The following GOLGA5 variants were observed in gnomAD, a reference collection of about 807,000 sequenced individuals.
GOLGA5 encodes golgin A5, also known as golgin subfamily A member 5.
In GOLGA5, 50 loss-of-function variants were observed where a neutral mutation model predicts 93.5. That is an observed-to-expected ratio of 0.53 (90% CI 0.43 to 0.68). The LOEUF is 0.68. Ranked by LOEUF, GOLGA5 falls within the 30% of genes least tolerant of loss-of-function variation. The pLI is 0.00. For synonymous variants in GOLGA5, 312 were observed against 304.5 expected, an observed-to-expected ratio of 1.02 and a Z score of -0.26; for missense variants, 760 against 856.4, an observed-to-expected ratio of 0.89 and a Z score of 1.40.
chr14:92,839,180 T>C (rs1466859761), intron 12 of GOLGA5, among the ~76,000 whole-genome samples, 186 bp from the exon 13 acceptor site: 1 of 152,232 alleles, frequency 6.6e-6, no homozygotes, highest in Non-Finnish European at 1.5e-5. Flanking sequence ...CTGAATTCTG[T>C]AGGAGTAGCA....
chr14:92,830,201 C>G (rs1036869347), intron 9 of GOLGA5, among the ~76,000 whole-genome samples: 1 of 152,042 alleles, frequency 6.6e-6, no homozygotes, highest in African/African-American at 2.4e-5. Context: ...ACCTGTGATC[C>G]CAGCTATTCA....
In GOLGA5 at chr14:92,806,982, C is replaced by T; in HGVS notation, c.772+19C>T. 1 of 1,446,244 alleles carries T rather than the reference C, an allele frequency of 6.9e-7. No homozygotes were observed. Among genetic ancestry groups the T allele is most frequent in the Non-Finnish European group, 9.7e-7 (1 of 1,027,148 alleles). The allele number at this position is 1,446,244 out of a possible 1,614,324, so 89.6% of individuals were successfully genotyped here. A position where few individuals can be genotyped will look rare whatever the true frequency, so the allele number is the denominator to read the frequency against. ...CAAGAAGGTAGAGGCTTAAATTGTT[C>T]AGGATTAGGAATTTAACTTTTAAAA... On this transcript the variant is annotated intron_variant, in intron 3 of 12. Coordinates refer to ENST00000163416, the MANE Select transcript of GOLGA5 (RefSeq NM_005113.4).
At chr14:92,838,073 G>A (rs1211895927) in intron 12 of GOLGA5, among the ~76,000 whole-genome samples, 6 of 152,074 alleles carry the variant, frequency 3.9e-5, no homozygotes, top group African/African-American at 1.2e-4. Flanking sequence ...TTATCTTGAC[G>A]TTGTAAAGTT....
intron 3 of GOLGA5, among the ~76,000 whole-genome samples, chr14:92,808,839 C>T (rs1885046189): frequency 6.6e-6 from 1 of 152,084 alleles, no homozygotes; most frequent in Non-Finnish European, 1.5e-5. Context: ...CTACTTTGCT[C>T]TTTTTGCATT....
intron 6 of GOLGA5, among the ~76,000 whole-genome samples, chr14:92,813,914 CAT>C (rs1020970584): frequency 7.9e-5 from 12 of 151,096 alleles, no homozygotes; most frequent in South Asian, 4.2e-4. Context: ...GAATATATGA[CAT>C]GTGGAGATTT....
intron 7 of GOLGA5, among the ~76,000 whole-genome samples, chr14:92,819,186 G>A (rs1290131000): frequency 1.3e-5 from 2 of 152,112 alleles, no homozygotes; most frequent in Admixed American, 6.5e-5. Flanking sequence ...GCCGATACTC[G>A]TGAAACCACA....
At chr14:92,810,498 TTC>T (rs1885082666) in intron 5 of GOLGA5, 121 bp downstream of exon 5, 1 of 668,462 alleles carries the variant, frequency 1.5e-6, no homozygotes. Context: ...AAAATTCTGT[TTC>T]TGTGACAAAA....
chr14:92,817,514 TTAC>T (rs1436279791), intron 7 of GOLGA5, among the ~76,000 whole-genome samples: 1 of 152,218 alleles, frequency 6.6e-6, no homozygotes, highest in Non-Finnish European at 1.5e-5. Flanking sequence ...TTATGTATAA[TTAC>T]TATATTTAAA....
At chr14:92,800,409 G>A (rs901499054) in intron 2 of GOLGA5, among the ~76,000 whole-genome samples, 7 of 152,238 alleles carry the variant, frequency 4.6e-5, no homozygotes, top group African/African-American at 1.7e-4. Context: ...GACTCTAAGA[G>A]GCTAGTAGAG....
chr14:92,794,806 C>T (rs2140307755), intron 1 of GOLGA5, among the ~76,000 whole-genome samples: 1 of 152,302 alleles, frequency 6.6e-6, no homozygotes, highest in East Asian at 1.9e-4. Context: ...GACCGACTGA[C>T]CTCCAGCCTC....
At position 92,831,430 on chromosome 14, in the gene GOLGA5, A is replaced by T. The variant is rs537529062; in HGVS notation, c.1720-1692A>T. On this transcript the variant is annotated intron_variant, in intron 9 of 12. Transcript: ENST00000163416. Reference sequence around the variant, plus strand: ...ACAACTCAGATGAATTTTTTTTTTTAAAAGCCATGTGCAAAAGGATTCATA... The same window carrying T: ...ACAACTCAGATGAATTTTTTTTTTTTAAAGCCATGTGCAAAAGGATTCATA... 4.2e-3 allele frequency among the ~76,000 whole-genome samples: 638 copies of T among 152,076 alleles called. 1 individual carries two copies. Among genetic ancestry groups the T allele is most frequent in the African/African-American group, 0.011 (447 of 41,516 alleles).
intron 9 of GOLGA5, among the ~76,000 whole-genome samples, chr14:92,830,532 G>A (rs4900152): frequency 0.72 from 110,188 of 152,028 alleles, 40,573 homozygotes; most frequent in African/African-American, 0.87. Context: ...AAGTATGCAC[G>A]TTGTTATTTT....
Position 92,819,689 on chromosome 14 carries a change from G to A in GOLGA5, c.1492-19G>A, listed in dbSNP as rs747031180. On this transcript the variant is annotated intron_variant, in intron 7 of 12. Coordinates refer to ENST00000163416, the MANE Select transcript of GOLGA5 (RefSeq NM_005113.4). ...TGAATGTTAATTATTGCTTTTACAT[G>A]TAAGCTTTTTCTCTTTAGGATATGG... The A allele has an allele frequency of 5.6e-6, 9 of 1,610,408 alleles. No individual in the cohort carries two copies. The highest frequency in any genetic ancestry group is 6.8e-6 in the Non-Finnish European group (8 of 1,177,744).
At chr14:92,800,851 A>G (rs1344928295) in intron 2 of GOLGA5, among the ~76,000 whole-genome samples, 2 of 152,242 alleles carry the variant, frequency 1.3e-5, no homozygotes, top group African/African-American at 4.8e-5. Context: ...ATTAGAAAGA[A>G]TGGACCTAAA....
At position 92,837,476 on chromosome 14, in the gene GOLGA5, T is replaced by C. The variant is rs1299039825; in HGVS notation, c.2115+27T>C. On this transcript the variant is annotated intron_variant, in intron 12 of 12. Coordinates refer to ENST00000163416, the MANE Select transcript of GOLGA5 (RefSeq NM_005113.4). ...TAAGTAAATTTATTTGAAAAAACAA[T>C]GATGCACTTGATTTTTAACTAGTTT... 3 of 930,258 alleles carry C rather than the reference T, an allele frequency of 3.2e-6. No individual in the cohort carries two copies. In the African/African-American group the frequency reaches 5.4e-5, roughly 17 times the overall value. The allele number at this position is 930,258 out of a possible 1,614,324, so 57.6% of individuals were successfully genotyped here. A position where few individuals can be genotyped will look rare whatever the true frequency, so the allele number is the denominator to read the frequency against.
In GOLGA5 at chr14:92,804,442, C is replaced by T. The variant is rs1006812981; in HGVS notation, c.545-2294C>T. The stretch of plus-strand genomic sequence containing the variant: ...ATAGAACGTAATGACCTCCTATTAT[C>T]CAACTACAGTAATCACTCATGGCCA... On this transcript the variant is annotated intron_variant, in intron 2 of 12. Transcript: ENST00000163416. Among the ~76,000 whole-genome samples the T allele has an allele frequency of 8.5e-5, 13 of 152,078 alleles. No individual in the cohort carries two copies. The East Asian group carries it at 2.3e-3, about 27-fold the overall frequency.
chr14:92,806,743 C>A lies in GOLGA5; in HGVS notation c.552C>A (p.Ala184=). ...GTATTCTTTTTTTTACAGAAGCTGC[C>A]AGTAACTCAGATTCTAGCCATGAAG... ...NSFGSQTHEA[A]SNSDSSHEGQ... is the part of the protein sequence containing the mutation. Residue 184 remains alanine (A), a synonymous_variant, in exon 3 of 13, where the codon GCC becomes GCA. Transcript: ENST00000163416. 6.2e-7 allele frequency: 1 copy of A among 1,608,252 alleles called. No homozygotes were observed. Among genetic ancestry groups the A allele is most frequent in the South Asian group, 1.1e-5 (1 of 90,960 alleles).
At chr14:92,810,457 C>A in intron 5 of GOLGA5, 80 bp downstream of exon 5, 1 of 1,085,156 alleles carries the variant, frequency 9.2e-7, no homozygotes. Context: ...AGCACATTAA[C>A]TGTCTAATAT....
In GOLGA5 at chr14:92,833,208, G is replaced by C; in HGVS notation, c.1806G>C (p.Gln602His). 6.2e-7 allele frequency: 1 copy of C among 1,613,124 alleles called. No individual in the cohort carries two copies. Among genetic ancestry groups the C allele is most frequent in the Non-Finnish European group, 8.5e-7 (1 of 1,179,104 alleles). Residue 602 changes from glutamine (Q) to histidine (H), a missense_variant, in exon 10 of 13, where the codon CAG becomes CAC. Coordinates refer to ENST00000163416, the MANE Select transcript of GOLGA5 (RefSeq NM_005113.4). ...TAACAGAGACTCTCATCCAGAAACA[G>C]ACCATGCTGGAGAGTCTCAGCACAG... Reference protein sequence around the residue: ...HQLTETLIQKQTMLESLSTEK... With the variant: ...HQLTETLIQKHTMLESLSTEK...
Sources: gnomAD v4.1 joint callset for allele counts (sites outside exome capture counted in the v4.1 genomes callset) on GRCh38, gnomAD v4.1.1 for gene constraint, MANE v1.5 for transcripts, NCBI Gene and HGNC (gene_info 2026-07-23, HGNC 2026-07-21) for gene names.